Variants in CYP7B1 observed in about 807,000 individuals in gnomAD.
The protein encoded by CYP7B1 is cytochrome P450 family 7 subfamily B member 1.
Under a neutral mutation model 42.7 loss-of-function variants are expected in CYP7B1, and 29 were observed. That is an observed-to-expected ratio of 0.68 (90% CI 0.51 to 0.93). The LOEUF is 0.93. Among genes scored for constraint, CYP7B1 ranks in the 40% least tolerant of loss-of-function variants. The pLI is 0.00. For synonymous variants in CYP7B1, 235 were observed against 218.2 expected, an observed-to-expected ratio of 1.08 and a Z score of -0.68; for missense variants, 655 against 600.5, an observed-to-expected ratio of 1.09 and a Z score of -0.95.
intron 1 of CYP7B1, among the ~76,000 whole-genome samples, chr8:64,725,399 T>G (rs1807308914): frequency 6.6e-6 from 1 of 152,234 alleles, no homozygotes; most frequent in African/African-American, 2.4e-5. Context: ...TCTCTCCACT[T>G]TCCCCCTGTG....
intron 1 of CYP7B1, among the ~76,000 whole-genome samples, chr8:64,785,965 G>A (rs535701300): frequency 6.6e-6 from 1 of 152,118 alleles, no homozygotes; most frequent in Non-Finnish European, 1.5e-5. Flanking sequence ...AGTGCCAGCA[G>A]GGGAAATGCC....
chr8:64,599,150 C>G (rs1379217488), intron 5 of CYP7B1, among the ~76,000 whole-genome samples: 1 of 152,102 alleles, frequency 6.6e-6, no homozygotes, highest in Non-Finnish European at 1.5e-5. Context: ...TTTGGAAAAA[C>G]TTAAACTTGG....
At chr8:64,753,835 G>T (rs973655093) in intron 1 of CYP7B1, among the ~76,000 whole-genome samples, 1 of 152,230 alleles carries the variant, frequency 6.6e-6, no homozygotes, top group South Asian at 2.1e-4. Context: ...TGACCCCACT[G>T]TAAGAATGTG....
Position 64,592,640 on chromosome 8 carries a change from AT to A in CYP7B1, c.*4001del, listed in dbSNP as rs1807839563. Among the ~76,000 whole-genome samples the A allele has an allele frequency of 6.6e-6, 1 of 152,208 alleles. No homozygotes were observed. Among genetic ancestry groups the A allele is most frequent in the Non-Finnish European group, 1.5e-5 (1 of 68,040 alleles). ...TTCCCTTGAACAATACACAAGAGCAATTTTTTAAAGGCACAACACTGTTGAA... is the reference window on the plus strand; with the variant it reads ...TTCCCTTGAACAATACACAAGAGCAATTTTTAAAGGCACAACACTGTTGAA... On this transcript the variant is annotated 3_prime_UTR_variant, in exon 6 of 6. Coordinates refer to ENST00000310193, the MANE Select transcript of CYP7B1 (RefSeq NM_004820.5).
intron 1 of CYP7B1, among the ~76,000 whole-genome samples, chr8:64,652,281 C>A (rs1050651071): frequency 2.6e-5 from 4 of 152,144 alleles, no homozygotes; most frequent in African/African-American, 9.7e-5. Context: ...AAAATTGGCT[C>A]ATTCCTATTC....
At chr8:64,771,047 C>A (rs867736025) in intron 1 of CYP7B1, among the ~76,000 whole-genome samples, 1 of 42,484 alleles carries the variant, frequency 2.4e-5, no homozygotes, top group Non-Finnish European at 4.3e-5. Flanking sequence ...ATATCAGCAT[C>A]TTTTTTTTTT....
intron 1 of CYP7B1, among the ~76,000 whole-genome samples, chr8:64,625,477 T>C (rs1805596264): frequency 6.6e-6 from 1 of 152,256 alleles, no homozygotes; most frequent in South Asian, 2.1e-4. Flanking sequence ...ATTTACTCTA[T>C]GAAATTGTTA....
chr8:64,781,698 G>A (rs1804426933), intron 1 of CYP7B1, among the ~76,000 whole-genome samples: 1 of 152,050 alleles, frequency 6.6e-6, no homozygotes, highest in Admixed American at 6.6e-5. Context: ...CCTATTTTAA[G>A]GTCAGCTGAT....
chr8:64,681,900 C>G (rs958281652), intron 1 of CYP7B1, among the ~76,000 whole-genome samples: 8 of 152,138 alleles, frequency 5.3e-5, no homozygotes, highest in Non-Finnish European at 8.8e-5. Flanking sequence ...TGTTACACAG[C>G]AATAGATAGC....
At chr8:64,658,316 A>C (rs1806151496) in intron 1 of CYP7B1, among the ~76,000 whole-genome samples, 1 of 152,174 alleles carries the variant, frequency 6.6e-6, no homozygotes, top group Non-Finnish European at 1.5e-5. Flanking sequence ...ATACTTATAC[A>C]GGGAAATGAA....
chr8:64,668,929 G>T (rs1001655345), intron 1 of CYP7B1, among the ~76,000 whole-genome samples: 2 of 151,936 alleles, frequency 1.3e-5, no homozygotes, highest in Non-Finnish European at 2.9e-5. Flanking sequence ...AAATATGTTC[G>T]AATCCCATAA....
At position 64,738,547 on chromosome 8, in the gene CYP7B1, C is replaced by T. The variant is rs6982820; in HGVS notation, c.122+59919G>A. 3.3e-3 allele frequency among the ~76,000 whole-genome samples: 505 copies of T among 152,026 alleles called. 1 individual carries two copies. The highest frequency in any genetic ancestry group is 6.8e-3 in the Middle Eastern group (2 of 294). On this transcript the variant is annotated intron_variant, in intron 1 of 5. Transcript: ENST00000310193. ...TATAATACAAGAAAACACACACACA[C>T]GCACACACACACACACACGCATATA...
intron 1 of CYP7B1, among the ~76,000 whole-genome samples, chr8:64,790,519 G>A (rs1299272334): frequency 2.0e-5 from 3 of 152,176 alleles, no homozygotes; most frequent in African/African-American, 7.2e-5. Flanking sequence ...CTAAAGGAAG[G>A]ACATGCTTAG....
intron 5 of CYP7B1, among the ~76,000 whole-genome samples, chr8:64,603,748 C>T (rs1805235439): frequency 6.6e-6 from 1 of 152,196 alleles, no homozygotes; most frequent in South Asian, 2.1e-4. Context: ...TTCACCTTTG[C>T]TGCTGAAATA....
rs976459488 is a variant in CYP7B1 at position 64,798,360 on chromosome 8, A to G, written c.122+106T>C. On this transcript the variant is annotated intron_variant, in intron 1 of 5. Coordinates refer to ENST00000310193, the MANE Select transcript of CYP7B1 (RefSeq NM_004820.5). ...AGCCAGTACCCCGCAGCAAGTTCTGACTGTCTGCACTGGAAATCATGGAGG... is the reference window on the plus strand; with the variant it reads ...AGCCAGTACCCCGCAGCAAGTTCTGGCTGTCTGCACTGGAAATCATGGAGG... 7.2e-6 allele frequency: 10 copies of G among 1,381,340 alleles called. No homozygotes were observed. The African/African-American group carries it at 1.2e-4, about 17-fold the overall frequency. 85.6% of individuals were successfully genotyped at this position (1,381,340 alleles called of 1,614,324 possible).
At chr8:64,667,880 T>C (rs955276569) in intron 1 of CYP7B1, among the ~76,000 whole-genome samples, 1 of 152,214 alleles carries the variant, frequency 6.6e-6, no homozygotes, top group African/African-American at 2.4e-5. Flanking sequence ...TAGTAGGCGT[T>C]CTTGAGTGTT....
chr8:64,762,266 A>T (rs1369514258), intron 1 of CYP7B1, among the ~76,000 whole-genome samples: 1 of 152,218 alleles, frequency 6.6e-6, no homozygotes, highest in South Asian at 2.1e-4. Context: ...CTGTAAAGCT[A>T]CAGAAGTTTA....
chr8:64,607,363 A>G (rs1805297534), intron 4 of CYP7B1, among the ~76,000 whole-genome samples: 1 of 151,468 alleles, frequency 6.6e-6, no homozygotes, highest in African/African-American at 2.4e-5. Flanking sequence ...CTTTTATACC[A>G]AAGCTAGCAC....
At chr8:64,752,395 C>CGT (rs5891973) in intron 1 of CYP7B1, among the ~76,000 whole-genome samples, 6,897 of 148,228 alleles carry the variant, frequency 0.047, 373 homozygotes, top group African/African-American at 0.14. Flanking sequence ...TGTGCATGTG[C>CGT]GTGTGTGTGT....
Sources: allele counts gnomAD v4.1 joint callset (sites outside exome capture counted in the v4.1 genomes callset), GRCh38; gene constraint gnomAD v4.1.1; transcripts MANE v1.5; gene names NCBI Gene and HGNC (gene_info 2026-07-23, HGNC 2026-07-21).